Variants in COL19A1 observed in about 807,000 individuals in gnomAD.
COL19A1 encodes the protein collagen type XIX alpha 1 chain.
Under a neutral mutation model 190.2 loss-of-function variants are expected in COL19A1, and 159 were observed. That is an observed-to-expected ratio of 0.84 (90% CI 0.73 to 0.95). COL19A1 has a LOEUF of 0.95. COL19A1 is among the 40% of genes least tolerant of loss of function. COL19A1 has a pLI of 0.00. For synonymous variants in COL19A1, 509 were observed against 458.9 expected, an observed-to-expected ratio of 1.11 and a Z score of -1.39; for missense variants, 1,418 against 1,431.9, an observed-to-expected ratio of 0.99 and a Z score of 0.16.
chr6:69,975,065 G>A (rs1017193468), intron 11 of COL19A1, among the ~76,000 whole-genome samples: 9 of 151,870 alleles, frequency 5.9e-5, no homozygotes, highest in East Asian at 1.9e-4. Flanking sequence ...CACCTGTCTC[G>A]GCCTCCCAAA....
intron 11 of COL19A1, among the ~76,000 whole-genome samples, chr6:70,021,219 G>A (rs1387291848): frequency 6.6e-6 from 1 of 152,028 alleles, no homozygotes; most frequent in Non-Finnish European, 1.5e-5. Flanking sequence ...TAAGCAGTAT[G>A]TTTCTTCTTT....
chr6:70,159,292 T>C (rs965952789), intron 34 of COL19A1, among the ~76,000 whole-genome samples: 3 of 152,148 alleles, frequency 2.0e-5, no homozygotes, highest in South Asian at 2.1e-4. Flanking sequence ...CCATTATCAA[T>C]GAAAATTTTT....
At chr6:70,061,415 C>G (rs1489863709) in intron 14 of COL19A1, among the ~76,000 whole-genome samples, 8 of 151,264 alleles carry the variant, frequency 5.3e-5, no homozygotes, top group Non-Finnish European at 1.2e-4. Context: ...CTAGACTTAG[C>G]AAAAGTGTGG....
chr6:69,955,715 T>C (rs1034927098), intron 9 of COL19A1, among the ~76,000 whole-genome samples: 1 of 151,942 alleles, frequency 6.6e-6, no homozygotes, highest in Non-Finnish European at 1.5e-5. Context: ...ACCATAGTAT[T>C]AAGAGACTCC....
At chr6:69,956,651 A>G (rs79321658) in intron 9 of COL19A1, among the ~76,000 whole-genome samples, 1 of 152,202 alleles carries the variant, frequency 6.6e-6, no homozygotes, top group East Asian at 1.9e-4. Flanking sequence ...ACACAAAATC[A>G]AAATCAGATT....
At chr6:69,929,388 T>A (rs191271891) in intron 5 of COL19A1, 37 bp from the exon 6 acceptor site, 1 of 1,583,482 alleles carries the variant, frequency 6.3e-7, no homozygotes, top group South Asian at 1.1e-5. Flanking sequence ...TGAACATTGA[T>A]TTTTAAAACA....
intron 11 of COL19A1, among the ~76,000 whole-genome samples, chr6:69,964,939 A>G (rs555736937): frequency 6.6e-6 from 1 of 152,308 alleles, no homozygotes; most frequent in South Asian, 2.1e-4. Context: ...CAATGTTAGC[A>G]TGCTACATAT....
At chr6:70,098,220 T>TA (rs1562170471) in intron 15 of COL19A1, among the ~76,000 whole-genome samples, 3 of 152,196 alleles carry the variant, frequency 2.0e-5, no homozygotes, top group African/African-American at 7.2e-5. Context: ...CTGATTTTAG[T>TA]CCTAGGAAGG....
At chr6:70,170,693 C>T (rs1765447048) in intron 40 of COL19A1, among the ~76,000 whole-genome samples, 2 of 151,942 alleles carry the variant, frequency 1.3e-5, no homozygotes, top group African/African-American at 4.8e-5. Flanking sequence ...AGAACAGAAT[C>T]TGAACTTTTT....
At chr6:69,938,410 T>C (rs1188668217) in intron 9 of COL19A1, among the ~76,000 whole-genome samples, 1 of 152,072 alleles carries the variant, frequency 6.6e-6, no homozygotes, top group Non-Finnish European at 1.5e-5. Context: ...TTCTTTAGCA[T>C]TCCCTTCCCC....
chr6:69,912,133 A>T (rs950334281), intron 4 of COL19A1, among the ~76,000 whole-genome samples: 10 of 152,068 alleles, frequency 6.6e-5, no homozygotes, highest in African/African-American at 2.2e-4. Flanking sequence ...TTTTCTGCCC[A>T]TTGGAATCCT....
chr6:70,144,195 C>G lies in COL19A1; in HGVS notation c.1627-15C>G. On this transcript the variant is annotated splice_polypyrimidine_tract_variant and intron_variant, in intron 23 of 50. Coordinates refer to ENST00000620364, the MANE Select transcript of COL19A1 (RefSeq NM_001858.6). Reference sequence around the variant, plus strand: ...TGTTCTCATTACTCTTTCCTATTAACTCTGAGTTTTCTAGGGATTGCCAGG... The same window carrying G: ...TGTTCTCATTACTCTTTCCTATTAAGTCTGAGTTTTCTAGGGATTGCCAGG... 6.2e-7 allele frequency: 1 copy of G among 1,608,802 alleles called. No homozygotes were observed. The highest frequency in any genetic ancestry group is 2.2e-5 in the East Asian group (1 of 44,794).
chr6:69,903,921 C>T (rs770030041), intron 4 of COL19A1, among the ~76,000 whole-genome samples: 1 of 152,170 alleles, frequency 6.6e-6, no homozygotes, highest in Non-Finnish European at 1.5e-5. Flanking sequence ...GTTAACATAA[C>T]ATCATTAATA....
intron 15 of COL19A1, among the ~76,000 whole-genome samples, chr6:70,080,241 C>T (rs1474756972): frequency 6.6e-6 from 1 of 152,158 alleles, no homozygotes; most frequent in African/African-American, 2.4e-5. Context: ...CCAATAGATA[C>T]ACCTACTACT....
In COL19A1 at chr6:70,073,404, C is replaced by T. The variant is rs147375284; in HGVS notation, c.1224+4928C>T. On this transcript the variant is annotated intron_variant, in intron 15 of 50. Coordinates refer to ENST00000620364, the MANE Select transcript of COL19A1 (RefSeq NM_001858.6). ...TTTTAGAAAATGGAGATGCTAATAA[C>T]GCCTACCCCACAGGGCTGTGATGAG... 2.3e-3 allele frequency among the ~76,000 whole-genome samples: 348 copies of T among 152,270 alleles called. 6 individuals carry two copies. Among genetic ancestry groups the T allele is most frequent in the African/African-American group, 7.9e-3 (329 of 41,554 alleles).
Position 69,899,769 on chromosome 6 carries a change from GAC to G in COL19A1, c.167-460_167-459del, listed in dbSNP as rs112466282. 2.4e-3 allele frequency among the ~76,000 whole-genome samples: 369 copies of G among 152,002 alleles called. 3 individuals are homozygous for G. Among genetic ancestry groups the G allele is most frequent in the African/African-American group, 8.5e-3 (353 of 41,474 alleles). On this transcript the variant is annotated intron_variant, in intron 3 of 50. Transcript: ENST00000620364. ...CCCACATAAATGCTAATGAGTGTGT[GAC>G]ACACACACAGTTATAATTCTTATAT...
chr6:70,161,681 T>G (rs1787815241), intron 34 of COL19A1, among the ~76,000 whole-genome samples: 1 of 152,146 alleles, frequency 6.6e-6, no homozygotes, highest in South Asian at 2.1e-4. Flanking sequence ...TTATACAATT[T>G]ATCCACATAA....
At chr6:70,114,656 G>A (rs1197452572) in intron 16 of COL19A1, among the ~76,000 whole-genome samples, 1 of 151,988 alleles carries the variant, frequency 6.6e-6, no homozygotes, top group Non-Finnish European at 1.5e-5. Context: ...AAAGCAAAAG[G>A]GTTGATATTT....
intron 11 of COL19A1, among the ~76,000 whole-genome samples, chr6:69,974,806 C>CG (rs1775617820): frequency 1.1e-5 from 1 of 93,046 alleles, no homozygotes; most frequent in Admixed American, 1.3e-4. Flanking sequence ...AGACAGCTTC[C>CG]TTTTTTTTTT....
Sources: allele counts gnomAD v4.1 joint callset (sites outside exome capture counted in the v4.1 genomes callset), GRCh38; gene constraint gnomAD v4.1.1; transcripts MANE v1.5; gene names NCBI Gene and HGNC (gene_info 2026-07-23, HGNC 2026-07-21).